TRIT1: variants seen among roughly 807,000 people sequenced by gnomAD.
The protein encoded by TRIT1 is tRNA isopentenyltransferase 1.
A neutral mutation model predicts 51.2 loss-of-function variants in TRIT1; 43 were observed. That is an observed-to-expected ratio of 0.84 (90% CI 0.66 to 1.08). The LOEUF (loss-of-function observed/expected upper bound fraction) is 1.08, where lower values mean the gene tolerates loss of function less well. Among genes scored for constraint, TRIT1 ranks in the 50% least tolerant of loss-of-function variants. The pLI is 0.00. For synonymous variants in TRIT1, 184 were observed against 203.9 expected, an observed-to-expected ratio of 0.90 and a Z score of 0.83; for missense variants, 528 against 578.4, an observed-to-expected ratio of 0.91 and a Z score of 0.89.
At chr1:39,876,556 C>A (rs200267014) in intron 1 of TRIT1, among the ~76,000 whole-genome samples, 160 of 141,408 alleles carry the variant, frequency 1.1e-3, no homozygotes, top group Middle Eastern at 3.6e-3. Context: ...ATCTATCTAT[C>A]TATATATATA....
rs373182142 is a variant in TRIT1, at chr1:39,855,904, G to A, written c.315+1373C>T. ...TCAAGAAGGCTGATTGGGGCCAGGC[G>A]TGGTGGCTCACACTTGTAATTCCAG... is the stretch of plus-strand genomic sequence containing the variant. On this transcript the variant is annotated intron_variant, in intron 2 of 10. Transcript: ENST00000316891. Among the ~76,000 whole-genome samples the A allele has an allele frequency of 7.2e-5, 11 of 152,286 alleles. No homozygotes were observed. The East Asian group carries it at 7.7e-4, about 11-fold the overall frequency.
intron 1 of TRIT1, among the ~76,000 whole-genome samples, chr1:39,874,272 G>T (rs986538181): frequency 6.6e-6 from 1 of 152,082 alleles, no homozygotes; most frequent in Non-Finnish European, 1.5e-5. Flanking sequence ...AAGTTGTCCT[G>T]TGCCTACTAG....
intron 1 of TRIT1, among the ~76,000 whole-genome samples, chr1:39,870,212 C>T (rs964966816): frequency 1.3e-5 from 2 of 152,128 alleles, no homozygotes; most frequent in African/African-American, 4.8e-5. Flanking sequence ...GGCCTTACCC[C>T]CAACCCCGTG....
At position 39,844,556 on chromosome 1, in the gene TRIT1, A is replaced by G. The variant is rs1332892161; in HGVS notation, c.1091T>C (p.Leu364Pro). The G allele has an allele frequency of 1.3e-5, 21 of 1,613,998 alleles. No individual in the cohort carries two copies. The highest frequency in any genetic ancestry group is 1.8e-5 in the Non-Finnish European group (21 of 1,179,856). The change falls in exon 9 of 11, where the codon CTT becomes CCT. Residue 364 changes from leucine (L) to proline (P), a missense_variant. Physicochemically the swap from Leu to Pro is moderately conservative, Grantham distance 98. Around this residue, in one of 3 missense-constraint regions of TRIT1, gnomAD observed 468 missense variants for 522.6 expected, o/e 0.90. Transcript: ENST00000316891. ...KWEESVLEPA[L>P]EIVQSFIQGH... Reference sequence around the variant, plus strand: ...CTGGATGAAACTTTGCACGATTTCAAGAGCAGGTTCAAGAACAGACTCTTC... The same window carrying G: ...CTGGATGAAACTTTGCACGATTTCAGGAGCAGGTTCAAGAACAGACTCTTC...
intron 1 of TRIT1, among the ~76,000 whole-genome samples, chr1:39,877,554 C>G (rs1644111819): frequency 6.6e-6 from 1 of 152,120 alleles, no homozygotes; most frequent in Admixed American, 6.6e-5. Flanking sequence ...TAAACCCGAA[C>G]AGAACACTTT....
At chr1:39,851,025 T>A (rs1309235866) in intron 4 of TRIT1, among the ~76,000 whole-genome samples, 3 of 152,204 alleles carry the variant, frequency 2.0e-5, no homozygotes, top group Admixed American at 6.5e-5. Flanking sequence ...ATCTACACTC[T>A]ACCACTCTGG....
At chr1:39,862,685 A>G in intron 1 of TRIT1, 2 of 745,612 alleles carry the variant, frequency 2.7e-6, no homozygotes, top group Non-Finnish European at 3.3e-6. Flanking sequence ...CCAGAGGTTT[A>G]GGTCACATCC....
intron 10 of TRIT1, among the ~76,000 whole-genome samples, chr1:39,842,857 C>T (rs1383229334): frequency 2.6e-5 from 4 of 151,724 alleles, no homozygotes; most frequent in Non-Finnish European, 5.9e-5. Context: ...CTTTGTTTTC[C>T]AGCTAGAGCC....
chr1:39,869,600 C>T (rs570959295), intron 1 of TRIT1, among the ~76,000 whole-genome samples: 3 of 151,978 alleles, frequency 2.0e-5, no homozygotes, highest in African/African-American at 7.2e-5. Flanking sequence ...TGCCCGGCCG[C>T]CCAGTCTGGG....
rs1403776146 is a variant in TRIT1, at chr1:39,847,216, T to C, written c.1006+4A>G. ...CATAGGATAAAGAAAAACATGAGAC[T>C]TACTGCTCAAAAAACGGTTTTTAAC... On this transcript the variant is annotated splice_donor_region_variant and intron_variant, in intron 8 of 10. Transcript: ENST00000316891. The C allele has an allele frequency of 6.2e-7, 1 of 1,613,530 alleles. No homozygotes were observed. The highest frequency in any genetic ancestry group is 1.3e-5 in the African/African-American group (1 of 74,898).
At chr1:39,870,962 G>A (rs769285809) in intron 1 of TRIT1, among the ~76,000 whole-genome samples, 10 of 152,224 alleles carry the variant, frequency 6.6e-5, no homozygotes, top group Non-Finnish European at 1.3e-4. Context: ...AGGAGGCTGA[G>A]GAGGGCGGAT....
intron 1 of TRIT1, among the ~76,000 whole-genome samples, chr1:39,876,490 G>A (rs773813719): frequency 6.6e-6 from 1 of 151,034 alleles, no homozygotes; most frequent in African/African-American, 2.4e-5. Flanking sequence ...TTACAATGGA[G>A]GTGAACCAAG....
intron 1 of TRIT1, among the ~76,000 whole-genome samples, chr1:39,879,518 G>A (rs980421734): frequency 6.6e-6 from 1 of 151,840 alleles, no homozygotes; most frequent in African/African-American, 2.4e-5. Context: ...CACCAGCACA[G>A]TGTTCCATGC....
At chr1:39,847,473 T>A (rs770519192) in intron 7 of TRIT1, 75 bp downstream of exon 7, 9 of 1,549,940 alleles carry the variant, frequency 5.8e-6, no homozygotes, top group Non-Finnish European at 8.0e-6. Context: ...GCCTTGGCTC[T>A]TTCTCAGACC....
chr1:39,846,329 A>ATT (rs1642222476), intron 8 of TRIT1, among the ~76,000 whole-genome samples: 1 of 152,252 alleles, frequency 6.6e-6, no homozygotes, highest in Non-Finnish European at 1.5e-5. Context: ...TGAGAGCAGA[A>ATT]GTCTACCAGC....
chr1:39,871,256 A>G lies in TRIT1; in HGVS notation c.174+12062T>C, dbSNP rs967041001. On this transcript the variant is annotated intron_variant, in intron 1 of 10. Coordinates refer to ENST00000316891, the MANE Select transcript of TRIT1 (RefSeq NM_017646.6). ...CCAAACAGTGGAATACTACTCAGCA[A>G]TAAAGAGCATTGGACGCATGCAACA... Among the ~76,000 whole-genome samples, 11 of 152,178 alleles carry G rather than the reference A, an allele frequency of 7.2e-5. No homozygotes were observed. In the South Asian group the frequency reaches 2.3e-3, roughly 32 times the overall value.
At chr1:39,849,110 G>A (rs1642410105) in intron 5 of TRIT1, among the ~76,000 whole-genome samples, 1 of 152,102 alleles carries the variant, frequency 6.6e-6, no homozygotes, top group Non-Finnish European at 1.5e-5. Flanking sequence ...TACAGCAACA[G>A]TAACCTTCCT....
chr1:39,851,113 G>A (rs1244674540), intron 4 of TRIT1, among the ~76,000 whole-genome samples: 1 of 151,938 alleles, frequency 6.6e-6, no homozygotes, highest in Non-Finnish European at 1.5e-5. Context: ...TAACGCAAGA[G>A]TGTAGACCCC....
chr1:39,851,966 G>C (rs202150660), intron 4 of TRIT1, among the ~76,000 whole-genome samples: 1 of 145,560 alleles, frequency 6.9e-6, no homozygotes, highest in Non-Finnish European at 1.5e-5. Flanking sequence ...AAAAAAAAAA[G>C]TAATAATAAT....
Sources: gnomAD v4.1 joint callset for allele counts (sites outside exome capture counted in the v4.1 genomes callset) on GRCh38, gnomAD v4.1.1 for gene constraint, gnomAD v4.1.1 regional missense constraint, MANE v1.5 for transcripts, NCBI Gene and HGNC (gene_info 2026-07-23, HGNC 2026-07-21) for gene names.